COG5: variants seen among roughly 807,000 people sequenced by gnomAD.
COG5 encodes component of oligomeric golgi complex 5.
COG5 carries 86 observed loss-of-function variants against 110.4 expected under a neutral mutation model. That is an observed-to-expected ratio of 0.78 (90% CI 0.65 to 0.93). The LOEUF is 0.93. Among genes scored for constraint, COG5 ranks in the 40% least tolerant of loss-of-function variants. The pLI, the probability that COG5 is intolerant of heterozygous loss-of-function variation, is 0.00. For missense variants in COG5, 1,077 were observed against 987.0 expected, an observed-to-expected ratio of 1.09 and a Z score of -1.22; for synonymous variants, 360 against 334.6, an observed-to-expected ratio of 1.08 and a Z score of -0.83.
chr7:107,227,499 A>T (rs1477248110), intron 19 of COG5, among the ~76,000 whole-genome samples: 2 of 152,182 alleles, frequency 1.3e-5, no homozygotes, highest in African/African-American at 4.8e-5. Flanking sequence ...CCAAACTTTA[A>T]ATGTTCCTTT....
chr7:107,278,678 C>A (rs1473971124), intron 14 of COG5, among the ~76,000 whole-genome samples: 2 of 152,088 alleles, frequency 1.3e-5, no homozygotes, highest in Non-Finnish European at 2.9e-5. Context: ...CAAAAACAAG[C>A]AATGGGGAAA....
chr7:107,308,926 T>C lies in COG5; in HGVS notation c.1109-10580A>G, dbSNP rs536819176. Among the ~76,000 whole-genome samples the C allele has an allele frequency of 3.5e-4, 49 of 141,964 alleles. 1 individual carries two copies. In the South Asian group the frequency reaches 9.6e-3, roughly 28 times the overall value. The allele number at this position is 141,964 out of a possible 152,430, so 93.1% of individuals were successfully genotyped here. The stretch of plus-strand genomic sequence containing the variant: ...AGTCTCTGATATCTCCTTGGCTTTC[T>C]AATGTAAAGGGTTACAGAATTATTC... On this transcript the variant is annotated intron_variant, in intron 11 of 21. Coordinates refer to ENST00000297135, the MANE Select transcript of COG5 (RefSeq NM_006348.5).
chr7:107,545,338 T>A (rs1450576533), intron 5 of COG5, among the ~76,000 whole-genome samples: 2 of 152,014 alleles, frequency 1.3e-5, no homozygotes, highest in Non-Finnish European at 2.9e-5. Flanking sequence ...ACAATCAAAT[T>A]GTCAAAAATC....
At chr7:107,382,091 G>A (rs4727674) in intron 7 of COG5, among the ~76,000 whole-genome samples, 4 of 152,016 alleles carry the variant, frequency 2.6e-5, no homozygotes, top group South Asian at 2.1e-4. Context: ...CAGTCGTGAC[G>A]TGCAGAGTCC....
chr7:107,360,326 C>A (rs1813001623), intron 10 of COG5, among the ~76,000 whole-genome samples: 2 of 152,226 alleles, frequency 1.3e-5, no homozygotes, highest in Admixed American at 1.3e-4. Flanking sequence ...CTCTGCCTTG[C>A]TCACCTTCCA....
chr7:107,277,876 G>A (rs117531631), intron 14 of COG5, among the ~76,000 whole-genome samples: 9 of 151,994 alleles, frequency 5.9e-5, no homozygotes, highest in East Asian at 3.9e-4. Context: ...AAAAAAATAC[G>A]TAATCATAAA....
chr7:107,431,621 T>C (rs1794031853), intron 6 of COG5, among the ~76,000 whole-genome samples: 1 of 152,162 alleles, frequency 6.6e-6, no homozygotes, highest in African/African-American at 2.4e-5. Context: ...AGAAAAATCC[T>C]ATTTGCCACA....
chr7:107,546,061 A>T (rs746418806), intron 5 of COG5, among the ~76,000 whole-genome samples: 2 of 152,138 alleles, frequency 1.3e-5, no homozygotes, highest in Non-Finnish European at 2.9e-5. Flanking sequence ...AAATCAATAA[A>T]GGATGGATTT....
chr7:107,330,946 C>A (rs1408680927), intron 10 of COG5, among the ~76,000 whole-genome samples: 1 of 151,798 alleles, frequency 6.6e-6, no homozygotes, highest in Non-Finnish European at 1.5e-5. Flanking sequence ...TCTAGGCCTC[C>A]TGAGTAGTTG....
chr7:107,478,440 T>C (rs1466757238), intron 6 of COG5, among the ~76,000 whole-genome samples: 3 of 151,988 alleles, frequency 2.0e-5, no homozygotes, highest in African/African-American at 7.2e-5. Flanking sequence ...CAGTTTCAGT[T>C]ACCCATGGTC....
At chr7:107,237,516 G>T (rs556929602) in intron 17 of COG5, among the ~76,000 whole-genome samples, 1 of 152,188 alleles carries the variant, frequency 6.6e-6, no homozygotes, top group African/African-American at 2.4e-5. Flanking sequence ...TAGAGAAATT[G>T]GTGATGGTCT....
intron 7 of COG5, among the ~76,000 whole-genome samples, chr7:107,387,148 A>G (rs1423144356): frequency 1.3e-5 from 2 of 152,206 alleles, no homozygotes; most frequent in African/African-American, 4.8e-5. Flanking sequence ...AAAAAGATAA[A>G]GCATTAGAGG....
intron 5 of COG5, among the ~76,000 whole-genome samples, chr7:107,537,888 C>T (rs1801708150): frequency 6.6e-6 from 1 of 152,098 alleles, no homozygotes; most frequent in South Asian, 2.1e-4. Context: ...CAATGAGATA[C>T]TACTTCATAC....
At chr7:107,514,392 A>G (rs1554453908) in intron 6 of COG5, among the ~76,000 whole-genome samples, 2 of 151,524 alleles carry the variant, frequency 1.3e-5, no homozygotes, top group Non-Finnish European at 2.9e-5. Context: ...TTGGTTTATT[A>G]TGAGGTTATA....
chr7:107,273,641 G>C (rs983112068), intron 14 of COG5, among the ~76,000 whole-genome samples: 2 of 152,148 alleles, frequency 1.3e-5, no homozygotes, highest in Non-Finnish European at 2.9e-5. Flanking sequence ...AAATCTTCCT[G>C]ATGGTACTGA....
intron 17 of COG5, among the ~76,000 whole-genome samples, chr7:107,244,600 C>A (rs967075724): frequency 2.0e-5 from 3 of 151,466 alleles, no homozygotes; most frequent in African/African-American, 7.3e-5. Context: ...GAGAGAATAT[C>A]AAATAAACAC....
At chr7:107,527,918 T>C (rs1220874044) in intron 5 of COG5, among the ~76,000 whole-genome samples, 18 of 152,108 alleles carry the variant, frequency 1.2e-4, no homozygotes. Context: ...ATGAGTTATG[T>C]TTTCATGTTT....
intron 6 of COG5, among the ~76,000 whole-genome samples, chr7:107,509,793 C>A (rs1336742357): frequency 6.6e-6 from 1 of 152,140 alleles, no homozygotes; most frequent in African/African-American, 2.4e-5. Flanking sequence ...CATATCCAGC[C>A]AAACTAAGCT....
chr7:107,221,723 C>A lies in COG5; in HGVS notation c.2168+8892G>T, dbSNP rs1799941430. 4.0e-5 allele frequency among the ~76,000 whole-genome samples: 6 copies of A among 151,128 alleles called. No homozygotes were observed. In the South Asian group the frequency reaches 1.3e-3, roughly 32 times the overall value. ...GAGCTTGCAGTGAGCCGGGATCATG[C>A]CACTGCACTCCAGCCTGGGTGACAG... On this transcript the variant is annotated intron_variant, in intron 19 of 21. Transcript: ENST00000297135.
Sources: allele counts gnomAD v4.1 joint callset (sites outside exome capture counted in the v4.1 genomes callset), GRCh38; gene constraint gnomAD v4.1.1; transcripts MANE v1.5; gene names NCBI Gene and HGNC (gene_info 2026-07-23, HGNC 2026-07-21).